Variants in UST observed in about 807,000 individuals in gnomAD.
UST encodes chondroitin sulfate 2-O-sulfotransferase.
In UST, 21 loss-of-function variants were observed where a neutral mutation model predicts 45.6. The ratio of observed to expected loss-of-function variants is 0.46; its 90% confidence interval spans 0.33 to 0.66. UST has a LOEUF of 0.66. Ranked by LOEUF, UST falls within the 30% of genes least tolerant of loss-of-function variation. The pLI is 0.02. For synonymous variants in UST, 215 were observed against 200.6 expected (o/e 1.07, Z -0.61); for missense variants, 463 against 512.4 (o/e 0.90, Z 0.93).
At chr6:148,873,757 G>A (rs566550907) in intron 1 of UST, among the ~76,000 whole-genome samples, 2 of 152,326 alleles carry the variant, frequency 1.3e-5, no homozygotes, top group South Asian at 4.1e-4. Context: ...TGCCTCCTAG[G>A]TTGCTGTAGA....
At chr6:148,981,872 G>A (rs968396010) in intron 5 of UST, among the ~76,000 whole-genome samples, 1 of 152,116 alleles carries the variant, frequency 6.6e-6, no homozygotes, top group Admixed American at 6.6e-5. Flanking sequence ...TTATCTGTTT[G>A]TGCTGCTGTA....
chr6:148,832,719 A>G (rs975493631), intron 1 of UST, among the ~76,000 whole-genome samples: 2 of 152,210 alleles, frequency 1.3e-5, no homozygotes, highest in Admixed American at 6.5e-5. Context: ...GAGCCTTAGG[A>G]TACAATACCT....
At chr6:149,005,380 C>T (rs533645394) in intron 5 of UST, 30 of 985,306 alleles carry the variant, frequency 3.0e-5, no homozygotes, top group Middle Eastern at 5.2e-4. Context: ...GAGAAGAATT[C>T]GGGATCTGAC....
At chr6:148,886,954 C>T (rs752845918) in intron 1 of UST, 32 bp from the exon 2 acceptor site, 29 of 1,590,588 alleles carry the variant, frequency 1.8e-5, no homozygotes, top group South Asian at 1.5e-4. Context: ...ATTTAAAAAA[C>T]GGATTCATCA....
At chr6:148,888,096 G>C (rs6912012) in intron 2 of UST, among the ~76,000 whole-genome samples, 72,859 of 152,008 alleles carry the variant, frequency 0.48, 19,170 homozygotes, top group African/African-American at 0.71. Flanking sequence ...AAGCATGATA[G>C]AGGCATCTAC....
intron 1 of UST, among the ~76,000 whole-genome samples, chr6:148,842,654 T>C (rs1410277494): frequency 2.0e-5 from 3 of 152,244 alleles, no homozygotes; most frequent in Non-Finnish European, 4.4e-5. Flanking sequence ...GGGAATATTA[T>C]TTAAACCATG....
chr6:148,903,185 C>T (rs1034844598), intron 2 of UST, among the ~76,000 whole-genome samples: 24 of 151,926 alleles, frequency 1.6e-4, no homozygotes, highest in African/African-American at 5.3e-4. Context: ...CATTTTATCT[C>T]TTTATCCAAT....
intron 7 of UST, among the ~76,000 whole-genome samples, chr6:149,028,494 A>G (rs1472343569): frequency 6.6e-6 from 1 of 152,228 alleles, no homozygotes. Context: ...ATTGGAAGGA[A>G]CAAATGAAGG....
At chr6:149,070,409 A>T (rs1331771009) in intron 7 of UST, among the ~76,000 whole-genome samples, 1 of 152,182 alleles carries the variant, frequency 6.6e-6, no homozygotes, top group African/African-American at 2.4e-5. Flanking sequence ...AGAAGAGTCT[A>T]TGCCAAGTTA....
intron 7 of UST, among the ~76,000 whole-genome samples, chr6:149,056,396 C>T (rs984180490): frequency 2.0e-5 from 3 of 152,122 alleles, no homozygotes; most frequent in Admixed American, 6.5e-5. Context: ...CCTAAGCCAC[C>T]GCACCCGGCC....
Position 148,790,766 on chromosome 6 carries a change from G to A in UST, c.247+43089G>A, listed in dbSNP as rs1776830081. Among the ~76,000 whole-genome samples, 1 of 152,196 alleles carries A rather than the reference G, an allele frequency of 6.6e-6. No individual in the cohort carries two copies. The highest frequency in any genetic ancestry group is 6.5e-5 in the Admixed American group (1 of 15,282). Reference sequence around the variant, plus strand: ...TGCCTGGTTGATGTGGGGATACAAAGGTCTGATCCCCTTGCGTCAATCTGG... The same window carrying A: ...TGCCTGGTTGATGTGGGGATACAAAAGTCTGATCCCCTTGCGTCAATCTGG... On this transcript the variant is annotated intron_variant, in intron 1 of 7. Transcript: ENST00000367463. The surrounding 1 kb of genome is among the most constrained non-coding windows in gnomAD (Gnocchi z 4.2).
At chr6:149,065,320 T>C (rs2076730423) in intron 7 of UST, among the ~76,000 whole-genome samples, 1 of 152,242 alleles carries the variant, frequency 6.6e-6, no homozygotes, top group African/African-American at 2.4e-5. Flanking sequence ...AGCTTTGTTT[T>C]GTTTGGATGG....
chr6:148,868,785 G>A (rs778317536), intron 1 of UST, among the ~76,000 whole-genome samples: 4 of 152,154 alleles, frequency 2.6e-5, no homozygotes, highest in African/African-American at 7.2e-5. Flanking sequence ...TTCTAAGAGC[G>A]TAACAAGGGC....
chr6:148,945,880 A>G (rs1780224835), intron 3 of UST, among the ~76,000 whole-genome samples: 1 of 152,196 alleles, frequency 6.6e-6, no homozygotes, highest in Non-Finnish European at 1.5e-5. Context: ...AAAGGCTACT[A>G]TATCACTATA....
chr6:148,892,760 T>C (rs572734135), intron 2 of UST, among the ~76,000 whole-genome samples: 1 of 152,316 alleles, frequency 6.6e-6, no homozygotes, highest in African/African-American at 2.4e-5. Context: ...TCTATTACTT[T>C]AGTCTTCTTA....
At chr6:148,801,198 G>T (rs1004839843) in intron 1 of UST, among the ~76,000 whole-genome samples, 3 of 151,984 alleles carry the variant, frequency 2.0e-5, no homozygotes, top group Non-Finnish European at 4.4e-5. Flanking sequence ...GCATTCCTGG[G>T]GGATTTTTCC....
intron 1 of UST, among the ~76,000 whole-genome samples, chr6:148,805,603 A>T (rs1218946175): frequency 6.6e-6 from 1 of 152,234 alleles, no homozygotes; most frequent in Non-Finnish European, 1.5e-5. Context: ...CCCAGAATAG[A>T]GAGTACCTCT....
intron 2 of UST, among the ~76,000 whole-genome samples, chr6:148,912,442 G>T (rs549798428): frequency 6.6e-6 from 1 of 152,236 alleles, no homozygotes; most frequent in African/African-American, 2.4e-5. Flanking sequence ...ACCATGCTTC[G>T]TTAAAGTCTG....
intron 1 of UST, among the ~76,000 whole-genome samples, chr6:148,777,867 A>G (rs1776565502): frequency 6.6e-6 from 1 of 152,184 alleles, no homozygotes; most frequent in Non-Finnish European, 1.5e-5. Context: ...GTATATTTAG[A>G]TACACAAGTA....
Sources: gnomAD v4.1 joint callset for allele counts (sites outside exome capture counted in the v4.1 genomes callset) on GRCh38, gnomAD v4.1.1 for gene constraint, Gnocchi (gnomAD v3.1) non-coding constraint, MANE v1.5 for transcripts, NCBI Gene and HGNC (gene_info 2026-07-23, HGNC 2026-07-21) for gene names.